Variants in GALR1 observed in about 807,000 individuals in gnomAD.
GALR1 encodes galanin receptor type 1.
GALR1 carries 11 observed loss-of-function variants against 17.9 expected under a neutral mutation model. The observed-to-expected ratio is 0.62, with a 90% CI of 0.39 to 1.02. The LOEUF (loss-of-function observed/expected upper bound fraction) is 1.02, where lower values mean the gene tolerates loss of function less well. GALR1 is among the 50% of genes least tolerant of loss of function. The pLI, the probability that GALR1 is intolerant of heterozygous loss-of-function variation, is 0.01. For missense variants in GALR1, 441 were observed against 456.9 expected (o/e 0.97, Z 0.32); for synonymous variants, 206 against 205.7 (o/e 1.00, Z -0.01).
chr18:77,260,019 G>C (rs182795567), intron 2 of GALR1, among the ~76,000 whole-genome samples: 6 of 152,210 alleles, frequency 3.9e-5, no homozygotes, highest in Non-Finnish European at 7.4e-5. Flanking sequence ...CAGGGATTTG[G>C]CTACTTGTTT....
chr18:77,263,929 G>A (rs966567112), intron 2 of GALR1, among the ~76,000 whole-genome samples: 16 of 152,036 alleles, frequency 1.1e-4, no homozygotes, highest in Admixed American at 9.8e-4. Flanking sequence ...GAGGTCAGGA[G>A]TTTGAGACTA....
chr18:77,252,967 A>C (rs1912491233), intron 1 of GALR1, among the ~76,000 whole-genome samples: 1 of 65,802 alleles, frequency 1.5e-5, no homozygotes, highest in African/African-American at 5.6e-5. Context: ...CATCACCACC[A>C]CCATCACCAC....
chr18:77,264,737 A>T (rs1912909711), intron 2 of GALR1, among the ~76,000 whole-genome samples: 1 of 152,184 alleles, frequency 6.6e-6, no homozygotes, highest in Admixed American at 6.5e-5. Context: ...GGGAAAGCAA[A>T]CACGTCCTTC....
rs1024706653 is a variant in GALR1 at position 77,272,764 on chromosome 18, T to C, written c.*3862T>C. The C allele has an allele frequency of 1.3e-5, 2 of 152,236 alleles. No homozygotes were observed. Among genetic ancestry groups the C allele is most frequent in the East Asian group, 1.9e-4 (1 of 5,204 alleles). The allele number at this position is 152,236 out of a possible 1,614,324, so 9.4% of individuals were successfully genotyped here. ...TGACTTACTTATTTTAAAAGCTGTA[T>C]GTAGTAAGAACAAGTAGGTGGTTTA... On this transcript the variant is annotated 3_prime_UTR_variant, in exon 3 of 3. Transcript: ENST00000299727.
intron 1 of GALR1, among the ~76,000 whole-genome samples, chr18:77,251,492 C>T (rs926078126): frequency 4.6e-5 from 7 of 152,244 alleles, no homozygotes; most frequent in African/African-American, 1.7e-4. Context: ...AGTTTCTCCT[C>T]CCCTCCCCTT....
chr18:77,258,850 G>A (rs1289143466), intron 2 of GALR1, among the ~76,000 whole-genome samples: 4 of 118,510 alleles, frequency 3.4e-5, no homozygotes, highest in East Asian at 2.6e-4. Flanking sequence ...TGATGGTGGT[G>A]GTGATGGTGG....
At position 77,269,195 on chromosome 18, in the gene GALR1, T is replaced by G; in HGVS notation, c.*293T>G. On this transcript the variant is annotated 3_prime_UTR_variant, in exon 3 of 3. Coordinates refer to ENST00000299727, the MANE Select transcript of GALR1 (RefSeq NM_001480.4). The stretch of plus-strand genomic sequence containing the variant: ...CATGAAAGGGAACATATATATTCCA[T>G]ATATATGTTCAACTCTTCATAGATT... 1 of 285,490 alleles carries G rather than the reference T, an allele frequency of 3.5e-6. No individual in the cohort carries two copies. Among genetic ancestry groups the G allele is most frequent in the Non-Finnish European group, 6.5e-6 (1 of 153,522 alleles). 17.7% of individuals were successfully genotyped at this position (285,490 alleles called of 1,614,324 possible).
chr18:77,250,651 G>A lies in GALR1; in HGVS notation c.103G>A (p.Val35Ile). The A allele has an allele frequency of 1.2e-6, 2 of 1,606,678 alleles. No individual in the cohort carries two copies. Among genetic ancestry groups the A allele is most frequent in the Non-Finnish European group, 1.7e-6 (2 of 1,177,554 alleles). The change falls in exon 1 of 3, where the codon GTC becomes ATC. Residue 35 changes from valine (V) to isoleucine (I), a missense_variant. Coordinates refer to ENST00000299727, the MANE Select transcript of GALR1 (RefSeq NM_001480.4). ...GTTCGGCATCGGCGTGGAGAACTTC[G>A]TCACGCTGGTGGTGTTCGGCCTGAT... Reference protein sequence around the residue: ...PLFGIGVENFVTLVVFGLIFA... With the variant: ...PLFGIGVENFITLVVFGLIFA...
intron 2 of GALR1, among the ~76,000 whole-genome samples, chr18:77,258,629 GGTGGTGATGGTGGTGGTGGTCATA>G (rs1391921443): frequency 1.5e-5 from 2 of 131,940 alleles, no homozygotes; most frequent in African/African-American, 3.0e-5. Context: ...TGGTGGTGAT[GGTGGTGATGGTGGTGGTGGTCATA>G]GTGGTGGTGG....
chr18:77,256,050 TATAA>T, intron 1 of GALR1, 104 bp from the exon 2 acceptor site: 2 of 684,780 alleles, frequency 2.9e-6, no homozygotes, highest in African/African-American at 1.8e-5. Context: ...TTAATGATCT[TATAA>T]ATAGTGATGT....
rs1351186254 is a variant in GALR1, at chr18:77,274,396, G to A, written c.*5494G>A. 1.3e-5 allele frequency: 2 copies of A among 152,206 alleles called. No homozygotes were observed. Among genetic ancestry groups the A allele is most frequent in the Non-Finnish European group, 2.9e-5 (2 of 68,094 alleles). 9.4% of individuals were successfully genotyped at this position (152,206 alleles called of 1,614,324 possible). A position where few individuals can be genotyped will look rare whatever the true frequency, so the allele number is the denominator to read the frequency against. On this transcript the variant is annotated 3_prime_UTR_variant, in exon 3 of 3. Transcript: ENST00000299727. Reference sequence around the variant, plus strand: ...AGGCTCTGCAGGCAAAGCTCTCAGGGCCCCATTTGTGTTTGTGTGGCCTGC... The same window carrying A: ...AGGCTCTGCAGGCAAAGCTCTCAGGACCCCATTTGTGTTTGTGTGGCCTGC...
chr18:77,255,381 AGT>A (rs753057735), intron 1 of GALR1, among the ~76,000 whole-genome samples: 3 of 152,248 alleles, frequency 2.0e-5, no homozygotes, highest in Non-Finnish European at 2.9e-5. Flanking sequence ...TGAGGGAGTC[AGT>A]GTGTTTCAAG....
At chr18:77,253,025 T>C (rs201105044) in intron 1 of GALR1, among the ~76,000 whole-genome samples, 850 of 40,154 alleles carry the variant, frequency 0.021, 1 homozygote, top group Middle Eastern at 0.037. Flanking sequence ...ACCACCACCA[T>C]CACCACCATC....
chr18:77,267,348 G>A (rs1336656483), intron 2 of GALR1, among the ~76,000 whole-genome samples: 1 of 152,192 alleles, frequency 6.6e-6, no homozygotes, highest in Non-Finnish European at 1.5e-5. Flanking sequence ...CGGCCTGGCT[G>A]CCAGCCCCAC....
Position 77,250,415 on chromosome 18 carries a change from C to T in GALR1, c.-134C>T, listed in dbSNP as rs1017977039. ...GGATCCCCGCTCCCGCTGGCTCGCG[C>T]CTCGGGGGAAGCTCAGACTCCTAAA... On this transcript the variant is annotated 5_prime_UTR_variant, in exon 1 of 3. Coordinates refer to ENST00000299727, the MANE Select transcript of GALR1 (RefSeq NM_001480.4). 3.5e-5 allele frequency: 34 copies of T among 965,182 alleles called. 2 individuals are homozygous for T. The South Asian group carries it at 7.7e-4, about 22-fold the overall frequency. The allele number at this position is 965,182 out of a possible 1,614,324, so 59.8% of individuals were successfully genotyped here. A position where few individuals can be genotyped will look rare whatever the true frequency, so the allele number is the denominator to read the frequency against.
rs1912349551 is a variant in GALR1 at position 77,249,869 on chromosome 18, C to G, written c.-680C>G. Among the ~76,000 whole-genome samples, 3 of 152,222 alleles carry G rather than the reference C, an allele frequency of 2.0e-5. No homozygotes were observed. Among genetic ancestry groups the G allele is most frequent in the Non-Finnish European group, 4.4e-5 (3 of 68,028 alleles). Reference sequence around the variant, plus strand: ...AGCTGTTTTCGCCTCTCAGTTGCAGCAGAGAAGCCCCTGGCACCCGACTCT... The same window carrying G: ...AGCTGTTTTCGCCTCTCAGTTGCAGGAGAGAAGCCCCTGGCACCCGACTCT... On this transcript the variant is annotated 5_prime_UTR_variant, in exon 1 of 3. Coordinates refer to ENST00000299727, the MANE Select transcript of GALR1 (RefSeq NM_001480.4).
intron 2 of GALR1, among the ~76,000 whole-genome samples, chr18:77,258,842 ATGGTGG>A (rs879011628): frequency 1.4e-3 from 6 of 4,190 alleles, no homozygotes; most frequent in African/African-American, 4.6e-3. Context: ...GATGGTGGTG[ATGGTGG>A]TGGTGATGGT....
chr18:77,255,441 C>G (rs752143633), intron 1 of GALR1, among the ~76,000 whole-genome samples: 1 of 152,128 alleles, frequency 6.6e-6, no homozygotes, highest in Non-Finnish European at 1.5e-5. Flanking sequence ...CAAAAATGTT[C>G]TGTAAATCAT....
chr18:77,258,918 GTGATGATGGTCATGGTGGTGA>G (rs893452140), intron 2 of GALR1, among the ~76,000 whole-genome samples: 4 of 132,748 alleles, frequency 3.0e-5, no homozygotes, highest in East Asian at 2.5e-4. Flanking sequence ...GGTAGTGGTG[GTGATGATGGTCATGGTGGTGA>G]TGATGGTGGT....
Sources: gnomAD v4.1 joint callset for allele counts (sites outside exome capture counted in the v4.1 genomes callset) on GRCh38, gnomAD v4.1.1 for gene constraint, MANE v1.5 for transcripts, NCBI Gene and HGNC (gene_info 2026-07-23, HGNC 2026-07-21) for gene names.